MIPOL1: variants seen among roughly 807,000 people sequenced by gnomAD.
MIPOL1 encodes mirror-image polydactyly gene 1 protein.
In MIPOL1, 57 loss-of-function variants were observed where a neutral mutation model predicts 60.9. The ratio of observed to expected loss-of-function variants is 0.94; its 90% CI spans 0.76 to 1.17. The LOEUF is 1.17. Ranked by LOEUF, MIPOL1 falls within the 50% of genes most tolerant of loss-of-function variation. The probability of loss-of-function intolerance (pLI) is 0.00; values close to 1 mark genes in which losing one functional copy is unlikely to be tolerated. For synonymous variants in MIPOL1, 179 were observed against 168.8 expected (o/e 1.06, Z -0.47); for missense variants, 551 against 511.6 (o/e 1.08, Z -0.74).
chr14:37,549,030 A>C lies in MIPOL1; in HGVS notation c.*2059A>C, dbSNP rs2095555152. Reference sequence around the variant, plus strand: ...TTTCAAATGCAAAGTATTACAGCCAAATATTATCTTAATTAATTTCTTACA... The same window carrying C: ...TTTCAAATGCAAAGTATTACAGCCACATATTATCTTAATTAATTTCTTACA... On this transcript the variant is annotated 3_prime_UTR_variant, in exon 13 of 13. Coordinates refer to ENST00000684589, the MANE Select transcript of MIPOL1 (RefSeq NM_001388067.1). 6.6e-6 allele frequency: 1 copy of C among 151,958 alleles called. No homozygotes were observed. The highest frequency in any genetic ancestry group is 1.9e-4 in the East Asian group (1 of 5,194). 9.4% of individuals were successfully genotyped at this position (151,958 alleles called of 1,614,324 possible).
chr14:37,440,109 A>C (rs1284819735), intron 11 of MIPOL1, among the ~76,000 whole-genome samples: 2 of 152,124 alleles, frequency 1.3e-5, no homozygotes, highest in Non-Finnish European at 2.9e-5. Context: ...AGCTTCCCAA[A>C]GTGCTAGGAT....
chr14:37,529,737 G>A (rs576097612), intron 12 of MIPOL1, among the ~76,000 whole-genome samples: 20 of 152,270 alleles, frequency 1.3e-4, no homozygotes, highest in Admixed American at 5.9e-4. Flanking sequence ...ATACAGAGGA[G>A]AGAAGTAGCA....
intron 11 of MIPOL1, among the ~76,000 whole-genome samples, chr14:37,444,257 T>C (rs569440535): frequency 1.1e-4 from 16 of 152,314 alleles, no homozygotes; most frequent in South Asian, 1.0e-3. Context: ...TTTTTACATA[T>C]TGATCTGAAT....
chr14:37,382,518 A>G (rs1188539098), intron 10 of MIPOL1, among the ~76,000 whole-genome samples: 1 of 151,970 alleles, frequency 6.6e-6, no homozygotes, highest in Non-Finnish European at 1.5e-5. Context: ...TTCATACCAA[A>G]CTAATCTTTA....
intron 11 of MIPOL1, among the ~76,000 whole-genome samples, chr14:37,495,904 T>G (rs1432396455): frequency 2.5e-4 from 37 of 148,792 alleles, no homozygotes; most frequent in Non-Finnish European, 4.8e-4. Flanking sequence ...TTTCATGTGT[T>G]TTTTGGCTGC....
intron 9 of MIPOL1, among the ~76,000 whole-genome samples, chr14:37,345,015 CAAAA>C (rs11303363): frequency 1.6e-5 from 2 of 128,696 alleles, no homozygotes; most frequent in Non-Finnish European, 1.7e-5. Context: ...AGACTCTTAT[CAAAA>C]AAAAAAAAAA....
intron 10 of MIPOL1, among the ~76,000 whole-genome samples, chr14:37,380,352 G>A (rs1331392987): frequency 6.6e-6 from 1 of 152,064 alleles, no homozygotes; most frequent in African/African-American, 2.4e-5. Flanking sequence ...GCTAGACCAG[G>A]TTTACAGTCT....
intron 1 of MIPOL1, among the ~76,000 whole-genome samples, chr14:37,220,438 T>C (rs1467730094): frequency 1.3e-5 from 2 of 152,252 alleles, no homozygotes; most frequent in African/African-American, 4.8e-5. Flanking sequence ...TTAAGTTTAA[T>C]GTAAATTGAA....
chr14:37,257,447 T>G (rs1733762742), intron 3 of MIPOL1, among the ~76,000 whole-genome samples: 3 of 152,134 alleles, frequency 2.0e-5, no homozygotes. Flanking sequence ...TTTTGATATC[T>G]GGGCACATGT....
At chr14:37,319,653 A>G (rs557717603) in intron 9 of MIPOL1, among the ~76,000 whole-genome samples, 56 of 152,282 alleles carry the variant, frequency 3.7e-4, no homozygotes, top group African/African-American at 1.1e-3. Flanking sequence ...GGAAGCTTCT[A>G]TTTTTGTAAA....
intron 1 of MIPOL1, among the ~76,000 whole-genome samples, chr14:37,216,515 G>A (rs529332914): frequency 2.2e-4 from 33 of 152,276 alleles, no homozygotes; most frequent in Non-Finnish European, 4.1e-4. Flanking sequence ...CATTCTCATG[G>A]ATAGACCATA....
At position 37,531,098 on chromosome 14, in the gene MIPOL1, G is replaced by T. The variant is rs768112662; in HGVS notation, c.1263-15807G>T. 2.6e-5 allele frequency among the ~76,000 whole-genome samples: 4 copies of T among 152,134 alleles called. 1 individual carries two copies. Among genetic ancestry groups the T allele is most frequent in the African/African-American group, 9.7e-5 (4 of 41,438 alleles). On this transcript the variant is annotated intron_variant, in intron 12 of 12. Coordinates refer to ENST00000684589, the MANE Select transcript of MIPOL1 (RefSeq NM_001388067.1). ...CCCACAAAGTGCTGGGATTACAGGC[G>T]TGAACCACCGCGCCCAGCCAGAAAG... is the stretch of plus-strand genomic sequence containing the variant.
intron 10 of MIPOL1, among the ~76,000 whole-genome samples, chr14:37,412,276 T>C (rs1439012211): frequency 6.6e-6 from 1 of 152,166 alleles, no homozygotes; most frequent in Non-Finnish European, 1.5e-5. Context: ...TGCTGAGCAT[T>C]GTATTCATGT....
chr14:37,417,439 T>C (rs2093790880), intron 10 of MIPOL1, among the ~76,000 whole-genome samples: 1 of 152,098 alleles, frequency 6.6e-6, no homozygotes, highest in African/African-American at 2.4e-5. Flanking sequence ...TAGAACAACC[T>C]CTAAGGAATC....
intron 7 of MIPOL1, among the ~76,000 whole-genome samples, chr14:37,297,072 C>A (rs1363369142): frequency 6.6e-6 from 1 of 152,200 alleles, no homozygotes; most frequent in Non-Finnish European, 1.5e-5. Context: ...TACTGGCAAA[C>A]TGAATCCAGC....
intron 9 of MIPOL1, among the ~76,000 whole-genome samples, chr14:37,343,784 A>C (rs1354278937): frequency 6.6e-6 from 1 of 152,208 alleles, no homozygotes; most frequent in African/African-American, 2.4e-5. Context: ...TGCAGATCAT[A>C]TAGTAAATAT....
At chr14:37,445,597 A>G (rs1046810751) in intron 11 of MIPOL1, among the ~76,000 whole-genome samples, 36 of 151,744 alleles carry the variant, frequency 2.4e-4, no homozygotes, top group Non-Finnish European at 4.0e-4. Context: ...GGAACCAAAA[A>G]AGAGCCCGCA....
chr14:37,243,919 G>A (rs1200852957), intron 1 of MIPOL1, among the ~76,000 whole-genome samples: 3 of 152,160 alleles, frequency 2.0e-5, no homozygotes, highest in African/African-American at 7.2e-5. Context: ...AAATAGGAGA[G>A]TCAAGTCACA....
intron 9 of MIPOL1, among the ~76,000 whole-genome samples, chr14:37,321,327 T>C (rs1178979756): frequency 2.0e-5 from 3 of 152,052 alleles, no homozygotes; most frequent in African/African-American, 7.2e-5. Flanking sequence ...TAGTTTCTAA[T>C]TTTGTTTTCT....
Sources: gnomAD v4.1 joint callset for allele counts (sites outside exome capture counted in the v4.1 genomes callset) on GRCh38, gnomAD v4.1.1 for gene constraint, MANE v1.5 for transcripts, NCBI Gene and HGNC (gene_info 2026-07-23, HGNC 2026-07-21) for gene names.